Variants in DGKB observed in about 807,000 individuals in gnomAD.
The protein encoded by DGKB is diacylglycerol kinase beta, also known as 90 kDa diacylglycerol kinase.
In DGKB, 67 loss-of-function variants were observed where a neutral mutation model predicts 114.3. The observed-to-expected ratio is 0.59, with a 90% CI of 0.48 to 0.72. The LOEUF (loss-of-function observed/expected upper bound fraction) is 0.72, where lower values mean the gene tolerates loss of function less well. Among genes scored for constraint, DGKB ranks in the 30% least tolerant of loss-of-function variants. The probability of loss-of-function intolerance (pLI) is 0.00; values close to 1 mark genes in which losing one functional copy is unlikely to be tolerated. For synonymous variants in DGKB, 398 were observed against 323.1 expected, an observed-to-expected ratio of 1.23 and a Z score of -2.49; for missense variants, 907 against 975.2, an observed-to-expected ratio of 0.93 and a Z score of 0.93.
At chr7:14,166,354 TG>T (rs1784606845) in intron 25 of DGKB, among the ~76,000 whole-genome samples, 1 of 152,134 alleles carries the variant, frequency 6.6e-6, no homozygotes, top group African/African-American at 2.4e-5. Flanking sequence ...TTTCTCAAAT[TG>T]GGTATGTTTT....
intron 13 of DGKB, among the ~76,000 whole-genome samples, chr7:14,644,801 A>G (rs1186998728): frequency 1.3e-5 from 2 of 152,212 alleles, no homozygotes; most frequent in East Asian, 3.9e-4. Flanking sequence ...TAATACTTGA[A>G]AATATCCTAT....
intron 23 of DGKB, among the ~76,000 whole-genome samples, chr7:14,271,780 T>C (rs949412893): frequency 1.3e-5 from 2 of 152,194 alleles, no homozygotes; most frequent in Non-Finnish European, 2.9e-5. Flanking sequence ...TCCCAATAAA[T>C]TGGTTTTACC....
intron 20 of DGKB, among the ~76,000 whole-genome samples, chr7:14,549,857 G>A (rs929708451): frequency 2.0e-5 from 3 of 152,012 alleles, no homozygotes; most frequent in Admixed American, 6.6e-5. Flanking sequence ...GCGTGGTGGC[G>A]TGTGCCTGTA....
chr7:14,968,841 T>C (rs554026920), intron 1 of DGKB, among the ~76,000 whole-genome samples: 36 of 152,342 alleles, frequency 2.4e-4, no homozygotes, highest in African/African-American at 7.9e-4. Context: ...TTTTAGCATA[T>C]TGACCATACA....
chr7:14,281,281 T>G (rs1266463087), intron 23 of DGKB, among the ~76,000 whole-genome samples: 1 of 150,906 alleles, frequency 6.6e-6, no homozygotes, highest in Admixed American at 6.6e-5. Flanking sequence ...TACATAATGG[T>G]AAAGGGATCA....
intron 21 of DGKB, among the ~76,000 whole-genome samples, chr7:14,430,759 A>G (rs1270705201): frequency 6.6e-6 from 1 of 152,194 alleles, no homozygotes; most frequent in African/African-American, 2.4e-5. Flanking sequence ...CTACTTTCAC[A>G]TTTCTGAGTA....
intron 16 of DGKB, among the ~76,000 whole-genome samples, chr7:14,612,632 G>A (rs1302407745): frequency 1.3e-5 from 2 of 152,056 alleles, no homozygotes; most frequent in Non-Finnish European, 2.9e-5. Context: ...TTTGTTATGA[G>A]TGCTTTCATC....
In DGKB at chr7:14,960,098, T is replaced by C. The variant is rs1427921027; in HGVS notation, c.-188+14598A>G. On this transcript the variant is annotated intron_variant, in intron 1 of 4. Coordinates refer to the DGKB transcript ENST00000437998. ...TAGAAATGTACCTCAGTGTGACTTT[T>C]GGAAGACAACTGCGAAGTTACAGAT... 4.1e-5 allele frequency among the ~76,000 whole-genome samples: 6 copies of C among 147,956 alleles called. No individual in the cohort carries two copies. The East Asian group carries it at 9.7e-4, about 24-fold the overall frequency.
chr7:14,267,297 A>G (rs568736180), intron 23 of DGKB, among the ~76,000 whole-genome samples: 1 of 152,204 alleles, frequency 6.6e-6, no homozygotes, highest in African/African-American at 2.4e-5. Flanking sequence ...ATTCAGCTAC[A>G]AAAATCATGT....
intron 1 of DGKB, among the ~76,000 whole-genome samples, chr7:14,964,147 T>C (rs1260435158): frequency 6.6e-6 from 1 of 151,866 alleles, no homozygotes; most frequent in Non-Finnish European, 1.5e-5. Context: ...GAAGAAGGAA[T>C]AGAGTCACAT....
intron 20 of DGKB, among the ~76,000 whole-genome samples, chr7:14,501,428 G>T (rs1786158387): frequency 1.3e-5 from 2 of 151,900 alleles, no homozygotes; most frequent in South Asian, 4.1e-4. Context: ...TTAAAGGAAT[G>T]CTTATAGTTT....
intron 14 of DGKB, 103 bp downstream of exon 14, chr7:14,630,133 G>C: frequency 3.2e-6 from 2 of 616,304 alleles, no homozygotes; most frequent in African/African-American, 1.9e-5. Flanking sequence ...TAACATGCTG[G>C]TATTCGAATG....
At chr7:14,501,605 C>A (rs895298314) in intron 20 of DGKB, among the ~76,000 whole-genome samples, 2 of 151,868 alleles carry the variant, frequency 1.3e-5, no homozygotes, top group African/African-American at 4.8e-5. Flanking sequence ...AGAGAATCAT[C>A]TCCAGGAAGC....
intron 23 of DGKB, among the ~76,000 whole-genome samples, chr7:14,324,405 C>T (rs1381471597): frequency 2.0e-5 from 3 of 150,312 alleles, no homozygotes; most frequent in Admixed American, 6.6e-5. Flanking sequence ...CAAGATTGCA[C>T]CACCGCACTC....
chr7:14,429,573 G>C (rs1011414607), intron 21 of DGKB, among the ~76,000 whole-genome samples: 4 of 152,138 alleles, frequency 2.6e-5, no homozygotes, highest in African/African-American at 9.7e-5. Context: ...TATCTGAAGA[G>C]TCTGATCTCC....
chr7:14,688,602 G>A (rs1396518268), intron 9 of DGKB, among the ~76,000 whole-genome samples: 1 of 152,048 alleles, frequency 6.6e-6, no homozygotes, highest in Non-Finnish European at 1.5e-5. Flanking sequence ...TTCATCACCA[G>A]ACATAACACT....
chr7:14,956,249 T>C (rs1309779350), intron 1 of DGKB, among the ~76,000 whole-genome samples: 1 of 151,960 alleles, frequency 6.6e-6, no homozygotes, highest in East Asian at 1.9e-4. Flanking sequence ...TAATTTCAAA[T>C]GCAGTGCATT....
At chr7:14,279,280 T>G (rs1799516193) in intron 23 of DGKB, among the ~76,000 whole-genome samples, 1 of 152,054 alleles carries the variant, frequency 6.6e-6, no homozygotes. Flanking sequence ...GAGATCAAAC[T>G]GCAAGGCGGC....
In DGKB at chr7:14,945,215, C is replaced by T. The variant is rs796690640; in HGVS notation, c.-188+29481G>A. Reference sequence around the variant, plus strand: ...CAGGTATAAGTCTTCACAGGCATAACGCTGAGAAAGATAATAATAATGTAT... The same window carrying T: ...CAGGTATAAGTCTTCACAGGCATAATGCTGAGAAAGATAATAATAATGTAT... On this transcript the variant is annotated intron_variant, in intron 1 of 4. Transcript: ENST00000437998. Among the ~76,000 whole-genome samples the T allele has an allele frequency of 3.3e-4, 50 of 151,706 alleles. 1 individual carries two copies. The highest frequency in any genetic ancestry group is 1.2e-3 in the African/African-American group (48 of 41,472).
Sources: gnomAD v4.1 joint callset for allele counts (sites outside exome capture counted in the v4.1 genomes callset) on GRCh38, gnomAD v4.1.1 for gene constraint, MANE v1.5 for transcripts, NCBI Gene and HGNC (gene_info 2026-07-23, HGNC 2026-07-21) for gene names.